EDDM13: variants seen among roughly 807,000 people sequenced by gnomAD.
The protein encoded by EDDM13 is epididymal protein 13.
In EDDM13, 24 loss-of-function variants were observed where a neutral mutation model predicts 17.8. That is an observed-to-expected ratio of 1.35 (90% CI 0.98 to 1.90). The LOEUF (loss-of-function observed/expected upper bound fraction) is 1.90. Among genes scored for constraint, EDDM13 ranks in the 40% most tolerant of loss-of-function variants. EDDM13 has a pLI of 0.00. For missense variants in EDDM13, 97 were observed against 100.8 expected (o/e 0.96, Z 0.16); for synonymous variants, 31 against 37.5 (o/e 0.83, Z 0.63).
intron 8 of EDDM13, among the ~76,000 whole-genome samples, chr19:56,289,878 T>C (rs950253203): frequency 6.6e-6 from 1 of 152,146 alleles, no homozygotes; most frequent in African/African-American, 2.4e-5. Flanking sequence ...CCTGCCAAAG[T>C]GCTGGGATTA....
intron 1 of EDDM13, chr19:56,274,938 GT>G (rs1408846198): frequency 6.6e-6 from 1 of 152,148 alleles, no homozygotes; most frequent in Non-Finnish European, 1.5e-5. Context: ...CTGATCAGTT[GT>G]TTTGCAGAAT....
In EDDM13 at chr19:56,310,228, C is replaced by A. The variant is rs2147361456; in HGVS notation, c.*80C>A. ...CTAACCTCTGAAGAAAGCTCTCTGTCCCCTGGACTGCCTGTGTGGAGGGTA... is the reference window on the plus strand; with the variant it reads ...CTAACCTCTGAAGAAAGCTCTCTGTACCCTGGACTGCCTGTGTGGAGGGTA... On this transcript the variant is annotated 3_prime_UTR_variant, in exon 15 of 15. Coordinates refer to ENST00000649256, the MANE Select transcript of EDDM13 (RefSeq NM_001354658.2). 1 of 152,414 alleles carries A rather than the reference C, an allele frequency of 6.6e-6. No individual in the cohort carries two copies. Among genetic ancestry groups the A allele is most frequent in the African/African-American group, 2.4e-5 (1 of 41,578 alleles). The allele number at this position is 152,414 out of a possible 1,614,324, so 9.4% of individuals were successfully genotyped here.
chr19:56,295,737 T>C (rs2039830637), intron 9 of EDDM13: 1 of 152,334 alleles, frequency 6.6e-6, no homozygotes. Context: ...AGCCTCTGAC[T>C]GTTCTGCGCT....
At chr19:56,297,069 CA>C (rs35746489) in intron 11 of EDDM13, among the ~76,000 whole-genome samples, 59 of 145,418 alleles carry the variant, frequency 4.1e-4, no homozygotes, top group Non-Finnish European at 5.4e-4. Flanking sequence ...AACTCTGTCT[CA>C]AAAAAAAAAA....
At chr19:56,292,593 A>G (rs535780692) in intron 9 of EDDM13, among the ~76,000 whole-genome samples, 1 of 151,436 alleles carries the variant, frequency 6.6e-6, no homozygotes, top group Non-Finnish European at 1.5e-5. Flanking sequence ...CACCTTAACC[A>G]CTTTAAAGTG....
intron 9 of EDDM13, among the ~76,000 whole-genome samples, chr19:56,293,932 G>C (rs2039689559): frequency 6.6e-6 from 1 of 152,178 alleles, no homozygotes. Context: ...TCTGGCACGG[G>C]ATAAGAGCTC....
rs548337104 is a variant in EDDM13 at position 56,295,826 on chromosome 19, C to G, written c.233-133C>G. The G allele has an allele frequency of 5.8e-5, 9 of 153,862 alleles. No homozygotes were observed. In the Admixed American group the frequency reaches 5.9e-4, roughly 10 times the overall value. 9.5% of individuals were successfully genotyped at this position (153,862 alleles called of 1,614,324 possible). On this transcript the variant is annotated intron_variant, in intron 9 of 14. Coordinates refer to ENST00000649256, the MANE Select transcript of EDDM13 (RefSeq NM_001354658.2). The stretch of plus-strand genomic sequence containing the variant: ...TCCTGTGCTCCCATCGCTCTGTCTT[C>G]TGATGTTGTGATTTTTCCCTACATG...
intron 4 of EDDM13, chr19:56,283,906 G>A (rs1486909719): frequency 1.3e-5 from 2 of 151,334 alleles, no homozygotes; most frequent in African/African-American, 4.9e-5. Flanking sequence ...AATGAAGAAC[G>A]GTTCATGATT....
intron 13 of EDDM13, among the ~76,000 whole-genome samples, chr19:56,303,180 G>C (rs1378056559): frequency 6.6e-6 from 1 of 152,110 alleles, no homozygotes; most frequent in Non-Finnish European, 1.5e-5. Context: ...AAGGCAGGGT[G>C]CAAGAAACTA....
At chr19:56,305,639 T>C (rs2040635442) in intron 14 of EDDM13, among the ~76,000 whole-genome samples, 1 of 152,188 alleles carries the variant, frequency 6.6e-6, no homozygotes, top group South Asian at 2.1e-4. Flanking sequence ...AACGACCCAC[T>C]GATGCATCCT....
chr19:56,285,311 A>G (rs1232045775), intron 6 of EDDM13, among the ~76,000 whole-genome samples: 1 of 152,258 alleles, frequency 6.6e-6, no homozygotes, highest in Admixed American at 6.5e-5. Context: ...AGTCAAAATC[A>G]TTCTCTTCAC....
rs116818790 is a variant in EDDM13, at chr19:56,275,681, G to C, written c.86-411G>C. 6.2e-3 allele frequency among the ~76,000 whole-genome samples: 945 copies of C among 152,350 alleles called. 11 individuals carry two copies. Among genetic ancestry groups the C allele is most frequent in the African/African-American group, 0.022 (903 of 41,588 alleles). ...CAGGCTAAGCTTGAAGCACCTGTAAGATGTTTGGGACATCCATAGATAGCA... is the reference window on the plus strand; with the variant it reads ...CAGGCTAAGCTTGAAGCACCTGTAACATGTTTGGGACATCCATAGATAGCA... On this transcript the variant is annotated intron_variant, in intron 1 of 14. Transcript: ENST00000649256.
At chr19:56,290,764 T>C (rs974428735) in intron 8 of EDDM13, among the ~76,000 whole-genome samples, 77 bp from the exon 9 acceptor site, 2 of 152,232 alleles carry the variant, frequency 1.3e-5, no homozygotes, top group Non-Finnish European at 2.9e-5. Context: ...TTGAATGTCC[T>C]ATACTGCTGA....
At chr19:56,289,772 C>A (rs1030035267) in intron 8 of EDDM13, among the ~76,000 whole-genome samples, 4 of 152,122 alleles carry the variant, frequency 2.6e-5, no homozygotes, top group African/African-American at 9.7e-5. Context: ...CACCACCATA[C>A]CCAGCTAATA....
rs980054517 is a variant in EDDM13, at chr19:56,300,544, C to T, written c.296-1424C>T. 3.3e-5 allele frequency among the ~76,000 whole-genome samples: 5 copies of T among 152,330 alleles called. No homozygotes were observed. The South Asian group carries it at 1.0e-3, about 32-fold the overall frequency. On this transcript the variant is annotated intron_variant, in intron 12 of 14. Transcript: ENST00000649256. ...GAAGATGTTTCGAGGTCCTTGAAAA[C>T]ACCCTCCTGGGTCATAATGCTGGCC...
chr19:56,296,576 T>TA (rs1204007692), intron 11 of EDDM13, among the ~76,000 whole-genome samples: 1 of 151,998 alleles, frequency 6.6e-6, no homozygotes, highest in African/African-American at 2.4e-5. Context: ...TTCTAGGTGT[T>TA]AGAGATGCAG....
chr19:56,304,374 G>C (rs1240363760), intron 13 of EDDM13, among the ~76,000 whole-genome samples: 2 of 152,264 alleles, frequency 1.3e-5, no homozygotes, highest in African/African-American at 4.8e-5. Flanking sequence ...ACACTCAGCA[G>C]TGTCTGGACC....
chr19:56,279,778 C>T (rs2038544698), intron 2 of EDDM13, among the ~76,000 whole-genome samples: 1 of 151,910 alleles, frequency 6.6e-6, no homozygotes, highest in Non-Finnish European at 1.5e-5. Context: ...TAAACCTAAA[C>T]AAATGCAAAC....
At chr19:56,293,348 A>T (rs930269033) in intron 9 of EDDM13, among the ~76,000 whole-genome samples, 1 of 152,212 alleles carries the variant, frequency 6.6e-6, no homozygotes, top group South Asian at 2.1e-4. Context: ...CCCAGTCTGG[A>T]TCCCAAACGG....
Sources: gnomAD v4.1 joint callset for allele counts (sites outside exome capture counted in the v4.1 genomes callset) on GRCh38, gnomAD v4.1.1 for gene constraint, MANE v1.5 for transcripts, NCBI Gene and HGNC (gene_info 2026-07-23, HGNC 2026-07-21) for gene names.